ZNF76: variants seen among roughly 807,000 people sequenced by gnomAD.
The protein encoded by ZNF76 is zinc finger protein 76, also known as zinc finger protein 523.
Under a neutral mutation model 66.9 loss-of-function variants are expected in ZNF76, and 66 were observed. The observed-to-expected ratio is 0.99, with a 90% CI of 0.81 to 1.21. ZNF76 has a LOEUF of 1.21. ZNF76 is among the 50% of genes most tolerant of loss of function. The pLI is 0.00. For synonymous variants in ZNF76, 275 were observed against 296.1 expected (o/e 0.93, Z 0.73); for missense variants, 729 against 760.3 (o/e 0.96, Z 0.48).
intron 1 of ZNF76, among the ~76,000 whole-genome samples, chr6:35,275,376 G>C (rs1037468891): frequency 1.3e-5 from 2 of 152,192 alleles, no homozygotes; most frequent in South Asian, 2.1e-4. Context: ...GCCCTGTCTC[G>C]GAGGGCTGCA....
At position 35,292,307 on chromosome 6, in the gene ZNF76, T is replaced by A; in HGVS notation, c.932-247T>A. ...CAGTGCCCCCTACCAGCCCCTTCAC[T>A]AGCCCCAGCCTTGCCCTGTCCCCCG... On this transcript the variant is annotated intron_variant, in intron 9 of 13. Coordinates refer to ENST00000373953, the MANE Select transcript of ZNF76 (RefSeq NM_003427.5). The surrounding 1 kb of genome is among the most constrained non-coding windows in gnomAD (Gnocchi z 4.7). The A allele has an allele frequency of 3.2e-5, 16 of 496,238 alleles. No individual in the cohort carries two copies. The highest frequency in any genetic ancestry group is 6.5e-5 in the Admixed American group (2 of 30,606). The allele number at this position is 496,238 out of a possible 1,614,324, so 30.7% of individuals were successfully genotyped here.
rs76963744 is a variant in ZNF76 at position 35,281,937 on chromosome 6, TAAA to T, written c.73+730_73+732del. 1.1e-4 allele frequency among the ~76,000 whole-genome samples: 13 copies of T among 119,382 alleles called. No homozygotes were observed. In the East Asian group the frequency reaches 2.3e-3, roughly 22 times the overall value. 78.3% of individuals were successfully genotyped at this position (119,382 alleles called of 152,430 possible). On this transcript the variant is annotated intron_variant, in intron 2 of 13. Transcript: ENST00000373953. ...GGTGACAGAGCAAGATCCCATCTCT[TAAA>T]AAAAAAAAAAAAAAAAGATACTCTT...
Position 35,294,583 on chromosome 6 carries a change from T to C in ZNF76, c.1608+14T>C, listed in dbSNP as rs997692634. On this transcript the variant is annotated intron_variant, in intron 13 of 13. Transcript: ENST00000373953. ...ATTGCAGTGCAGGTGAGTAGAGATC[T>C]GGGAGGAAAGGGGATCCCACGGCCA... is the stretch of plus-strand genomic sequence containing the variant. 1.3e-6 allele frequency: 2 copies of C among 1,583,112 alleles called. No individual in the cohort carries two copies. The highest frequency in any genetic ancestry group is 1.7e-6 in the Non-Finnish European group (2 of 1,151,842).
rs754919447 is a variant in ZNF76, at chr6:35,286,160, C to T, written c.106C>T (p.Leu36Phe). The change falls in exon 3 of 14, where the codon CTC becomes TTC. Residue 36 changes from leucine (L) to phenylalanine (F), a missense_variant. Physicochemically the swap from Leu to Phe is conservative, Grantham distance 22. Coordinates refer to ENST00000373953, the MANE Select transcript of ZNF76 (RefSeq NM_003427.5). ...GCTTCTTGAAGGGCAGGTGATCCAG[C>T]TCGAGGATGGGACCACCGCATACAT... ...EKLLEGQVIQ[L>F]EDGTTAYIHQ... is the part of the protein sequence containing the mutation. The T allele has an allele frequency of 6.2e-7, 1 of 1,614,128 alleles. No homozygotes were observed. The highest frequency in any genetic ancestry group is 8.5e-7 in the Non-Finnish European group (1 of 1,180,018).
intron 2 of ZNF76, among the ~76,000 whole-genome samples, chr6:35,283,957 A>G (rs1347503342): frequency 2.0e-5 from 3 of 152,178 alleles, no homozygotes; most frequent in Non-Finnish European, 4.4e-5. Context: ...AAGTTTGGGG[A>G]TTCCTCTAAA....
chr6:35,264,186 C>G (rs1785652368), intron 1 of ZNF76, among the ~76,000 whole-genome samples: 1 of 152,238 alleles, frequency 6.6e-6, no homozygotes, highest in South Asian at 2.1e-4. Context: ...TGTCTACATT[C>G]ATTTTGTGGA....
chr6:35,294,068 G>A (rs1227160257), intron 12 of ZNF76, 153 bp downstream of exon 12: 11 of 877,426 alleles, frequency 1.3e-5, no homozygotes, highest in Admixed American at 2.9e-5. Flanking sequence ...TGGGCCATGA[G>A]CAGCTCTTAC....
At chr6:35,293,446 T>G (rs1236041790) in intron 11 of ZNF76, among the ~76,000 whole-genome samples, 1 of 152,180 alleles carries the variant, frequency 6.6e-6, no homozygotes, top group Non-Finnish European at 1.5e-5. Context: ...GTCCGTACCC[T>G]TGCTAGAAAG....
At chr6:35,277,293 T>C (rs1788058750) in intron 1 of ZNF76, among the ~76,000 whole-genome samples, 2 of 152,184 alleles carry the variant, frequency 1.3e-5, no homozygotes, top group South Asian at 2.1e-4. Flanking sequence ...GCAAGGATGC[T>C]AATAGACCAG....
intron 1 of ZNF76, among the ~76,000 whole-genome samples, chr6:35,273,191 C>T (rs545454102): frequency 1.7e-4 from 26 of 149,226 alleles, no homozygotes; most frequent in African/African-American, 4.9e-4. Flanking sequence ...AAAAAAAAAA[C>T]GAGTCTCACT....
chr6:35,293,643 T>C, intron 11 of ZNF76, 108 bp from the exon 12 acceptor site: 1 of 1,367,154 alleles, frequency 7.3e-7, no homozygotes, highest in Non-Finnish European at 1.0e-6. Context: ...CACTATGACA[T>C]GAAACTAATA....
intron 1 of ZNF76, among the ~76,000 whole-genome samples, chr6:35,276,752 A>G (rs1008264628): frequency 4.2e-5 from 6 of 143,094 alleles, no homozygotes; most frequent in Non-Finnish European, 7.6e-5. Flanking sequence ...TTTTCAACCT[A>G]TGTCTGCTTT....
At chr6:35,275,540 A>G (rs1032219897) in intron 1 of ZNF76, among the ~76,000 whole-genome samples, 14 of 152,238 alleles carry the variant, frequency 9.2e-5, no homozygotes, top group African/African-American at 3.4e-4. Flanking sequence ...GAAAGAAAGT[A>G]CAGGGAGAAA....
chr6:35,262,080 T>C (rs978619807), intron 1 of ZNF76, among the ~76,000 whole-genome samples: 1 of 152,196 alleles, frequency 6.6e-6, no homozygotes, highest in Non-Finnish European at 1.5e-5. Flanking sequence ...TGTATATTTT[T>C]ATACTAGATC....
intron 1 of ZNF76, among the ~76,000 whole-genome samples, chr6:35,267,997 A>G (rs1404502410): frequency 6.6e-6 from 1 of 152,206 alleles, no homozygotes; most frequent in Non-Finnish European, 1.5e-5. Flanking sequence ...GAAGAGTTTC[A>G]TATCTGGTCT....
chr6:35,266,101 G>A (rs1173368749), intron 1 of ZNF76, among the ~76,000 whole-genome samples: 1 of 152,064 alleles, frequency 6.6e-6, no homozygotes, highest in East Asian at 1.9e-4. Context: ...GAGCCAACAG[G>A]ATTTGCTGAT....
At chr6:35,280,533 C>A (rs1360845076) in intron 1 of ZNF76, among the ~76,000 whole-genome samples, 2 of 140,944 alleles carry the variant, frequency 1.4e-5, no homozygotes, top group African/African-American at 5.2e-5. Flanking sequence ...CCCCCCCGCC[C>A]TGAAGTTCTG....
intron 11 of ZNF76, among the ~76,000 whole-genome samples, chr6:35,293,456 G>A (rs377140931): frequency 6.6e-6 from 1 of 152,320 alleles, no homozygotes; most frequent in African/African-American, 2.4e-5. Context: ...TTGCTAGAAA[G>A]TACATCTGTG....
At chr6:35,277,965 T>C (rs887191176) in intron 1 of ZNF76, among the ~76,000 whole-genome samples, 6 of 152,060 alleles carry the variant, frequency 3.9e-5, no homozygotes, top group African/African-American at 7.2e-5. Context: ...GTTTATGCCA[T>C]TCTTCTGCCT....
Sources: gnomAD v4.1 joint callset for allele counts (sites outside exome capture counted in the v4.1 genomes callset) on GRCh38, gnomAD v4.1.1 for gene constraint, Gnocchi (gnomAD v3.1) non-coding constraint, MANE v1.5 for transcripts, NCBI Gene and HGNC (gene_info 2026-07-23, HGNC 2026-07-21) for gene names.